DNMT1: variants seen among roughly 807,000 people sequenced by gnomAD.
DNMT1 encodes the protein DNA (cytosine-5)-methyltransferase 1.
DNMT1 carries 24 observed loss-of-function variants against 205.3 expected under a neutral mutation model. That is an observed-to-expected ratio of 0.12 (90% CI 0.08 to 0.16). DNMT1 has a LOEUF of 0.16. DNMT1 is among the 10% of genes least tolerant of loss of function. The pLI is 1.00. For missense variants in DNMT1, 1,293 were observed against 2,177.7 expected, an observed-to-expected ratio of 0.59 and a Z score of 8.09; for synonymous variants, 817 against 839.8, an observed-to-expected ratio of 0.97 and a Z score of 0.47.
At chr19:10,175,863 C>T (rs1359861918) in intron 6 of DNMT1, among the ~76,000 whole-genome samples, 1 of 152,180 alleles carries the variant, frequency 6.6e-6, no homozygotes, top group African/African-American at 2.4e-5. Flanking sequence ...AGGGACACAG[C>T]ACCATCCATA....
At chr19:10,184,638 T>C (rs2039142665) in intron 1 of DNMT1, 1 of 152,088 alleles carries the variant, frequency 6.6e-6, no homozygotes, top group South Asian at 2.1e-4. Flanking sequence ...CATAGGGCGA[T>C]CCTATCTCTT....
chr19:10,150,696 C>G (rs2038321963), intron 24 of DNMT1, among the ~76,000 whole-genome samples: 1 of 152,202 alleles, frequency 6.6e-6, no homozygotes, highest in Non-Finnish European at 1.5e-5. Flanking sequence ...AGGAACTGAC[C>G]TTCAGTGAAG....
At chr19:10,145,245 G>A (rs910066901) in intron 28 of DNMT1, among the ~76,000 whole-genome samples, 2 of 152,236 alleles carry the variant, frequency 1.3e-5, no homozygotes, top group Admixed American at 6.5e-5. Flanking sequence ...GGGCCCCAAA[G>A]GCGTCTCTGT....
At position 10,133,513 on chromosome 19, in the gene DNMT1, G is replaced by C. The variant is rs1368076013; in HGVS notation, c.*154C>G. 7.3e-6 allele frequency: 6 copies of C among 821,052 alleles called. No homozygotes were observed. The highest frequency in any genetic ancestry group is 6.9e-5 in the Admixed American group (3 of 43,566). 50.9% of individuals were successfully genotyped at this position (821,052 alleles called of 1,614,324 possible). A position where few individuals can be genotyped will look rare whatever the true frequency, so the allele number is the denominator to read the frequency against. On this transcript the variant is annotated 3_prime_UTR_variant, in exon 41 of 41. Coordinates refer to ENST00000359526, the MANE Select transcript of DNMT1 (RefSeq NM_001130823.3). The surrounding 1 kb of genome is among the most constrained non-coding windows in gnomAD (Gnocchi z 4.1). ...CAATTTGATCACTAAATCATTAGTTGATAAGCGAACCTCACACAACAGCTT... is the reference window on the plus strand; with the variant it reads ...CAATTTGATCACTAAATCATTAGTTCATAAGCGAACCTCACACAACAGCTT...
At chr19:10,174,048 G>T in intron 7 of DNMT1, 143 bp from the exon 8 acceptor site, 1 of 807,748 alleles carries the variant, frequency 1.2e-6, no homozygotes, top group Non-Finnish European at 2.1e-6. Flanking sequence ...GTTTTGGGGA[G>T]AAGATCTGAG....
chr19:10,148,272 A>G lies in DNMT1; in HGVS notation c.2720+612T>C, dbSNP rs537880612. Among the ~76,000 whole-genome samples the G allele has an allele frequency of 2.5e-4, 38 of 151,420 alleles. 2 individuals carry two copies. Among genetic ancestry groups the G allele is most frequent in the East Asian group, 2.1e-3 (11 of 5,176 alleles). On this transcript the variant is annotated intron_variant, in intron 27 of 40. Coordinates refer to ENST00000359526, the MANE Select transcript of DNMT1 (RefSeq NM_001130823.3). Reference sequence around the variant, plus strand: ...AGCACTTTGGGAGGCCAAGGCGGGCAGATCACAAGGTCAGGAGATCGAGAC... The same window carrying G: ...AGCACTTTGGGAGGCCAAGGCGGGCGGATCACAAGGTCAGGAGATCGAGAC...
At chr19:10,141,007 A>T in intron 31 of DNMT1, 98 bp from the exon 32 acceptor site, 1 of 1,613,328 alleles carries the variant, frequency 6.2e-7, no homozygotes, top group Non-Finnish European at 8.5e-7. Flanking sequence ...GCTGTCCCAG[A>T]GTCAGTAACA....
In DNMT1 at chr19:10,154,786, C is replaced by A; in HGVS notation, c.1645-13G>T. On this transcript the variant is annotated splice_polypyrimidine_tract_variant and intron_variant, in intron 20 of 40. Coordinates refer to ENST00000359526, the MANE Select transcript of DNMT1 (RefSeq NM_001130823.3). The surrounding 1 kb of genome is among the most constrained non-coding windows in gnomAD (Gnocchi z 6.3). ...GAGGAACCGTGGTCTTGAAAGAGAACAGGTTTCTCTCATGCTTAAGCCAAA... is the reference window on the plus strand; with the variant it reads ...GAGGAACCGTGGTCTTGAAAGAGAAAAGGTTTCTCTCATGCTTAAGCCAAA... 1.2e-6 allele frequency: 2 copies of A among 1,614,220 alleles called. No individual in the cohort carries two copies. The highest frequency in any genetic ancestry group is 1.7e-6 in the Non-Finnish European group (2 of 1,180,056).
Position 10,192,559 on chromosome 19 carries a change from G to T in DNMT1, c.80+2261C>A, listed in dbSNP as rs977322285. On this transcript the variant is annotated intron_variant, in intron 1 of 40. Coordinates refer to ENST00000359526, the MANE Select transcript of DNMT1 (RefSeq NM_001130823.3). ...GGAGGATCGCTTGAGGCCAGGAATCGAAGACCAGCCTGAGCAACATGGCAA... is the reference window on the plus strand; with the variant it reads ...GGAGGATCGCTTGAGGCCAGGAATCTAAGACCAGCCTGAGCAACATGGCAA... Among the ~76,000 whole-genome samples the T allele has an allele frequency of 2.6e-5, 4 of 151,648 alleles. No individual in the cohort carries two copies. The East Asian group carries it at 7.8e-4, about 29-fold the overall frequency.
rs976612002 is a variant in DNMT1, at chr19:10,138,078, AC to A, written c.4116-70del. On this transcript the variant is annotated intron_variant, in intron 35 of 40. Transcript: ENST00000359526. This position sits in a 1 kb window ranked among gnomAD's most constrained non-coding sequence, Gnocchi z 4.1. Reference sequence around the variant, plus strand: ...CAGCTGTCCCCTCATCACAGGTGCCACCCCCTGCCTGCTCAGATGGCCTTCT... The same window carrying A: ...CAGCTGTCCCCTCATCACAGGTGCCACCCCTGCCTGCTCAGATGGCCTTCT... 1.6e-5 allele frequency: 25 copies of A among 1,528,572 alleles called. No individual in the cohort carries two copies. The African/African-American group carries it at 1.8e-4, about 11-fold the overall frequency. The allele number at this position is 1,528,572 out of a possible 1,614,324, so 94.7% of individuals were successfully genotyped here. A position where few individuals can be genotyped will look rare whatever the true frequency, so the allele number is the denominator to read the frequency against.
chr19:10,145,086 C>T (rs921363846), intron 28 of DNMT1, among the ~76,000 whole-genome samples: 2 of 152,290 alleles, frequency 1.3e-5, no homozygotes, highest in Middle Eastern at 3.4e-3. Flanking sequence ...GATCTAGAAG[C>T]GACACTGGAG....
chr19:10,155,804 G>T (rs1175628283), intron 19 of DNMT1, 49 bp downstream of exon 19: 2 of 1,574,106 alleles, frequency 1.3e-6, no homozygotes, highest in Non-Finnish European at 1.7e-6. Context: ...AGGAGAACAT[G>T]AAGGCCCCTT....
chr19:10,171,516 C>A (rs1220120847), intron 9 of DNMT1, among the ~76,000 whole-genome samples: 1 of 151,962 alleles, frequency 6.6e-6, no homozygotes, highest in African/African-American at 2.4e-5. Context: ...ACTAAAAACA[C>A]AAAAATTGGC....
At chr19:10,194,599 A>G in intron 1 of DNMT1, 1 of 527,294 alleles carries the variant, frequency 1.9e-6, no homozygotes, top group Non-Finnish European at 3.3e-6. Context: ...GCCACCAGGG[A>G]GCTACGGGGG....
intron 39 of DNMT1, among the ~76,000 whole-genome samples, chr19:10,134,742 C>T (rs141230776): frequency 0.015 from 2,346 of 151,828 alleles, 69 homozygotes; most frequent in African/African-American, 0.054. Context: ...CCTGTAATCC[C>T]AGCACCTCAG....
At position 10,134,272 on chromosome 19, in the gene DNMT1, G is replaced by T. The variant is rs534928024; in HGVS notation, c.4809C>A (p.Ala1603=). 6.2e-7 allele frequency: 1 copy of T among 1,614,188 alleles called. No individual in the cohort carries two copies. The highest frequency in any genetic ancestry group is 1.7e-5 in the Admixed American group (1 of 60,030). ...TACAAAGCTTGATCTCCAAGCCAATGGCTTTGGCCAGGGGCGGTGGCACGG... is the reference window on the plus strand; with the variant it reads ...TACAAAGCTTGATCTCCAAGCCAATTGCTTTGGCCAGGGGCGGTGGCACGG... ...GNAVPPPLAK[A]IGLEIKLCML... The change falls in exon 40 of 41, where the codon GCC becomes GCA. Residue 1603 remains alanine (A), a synonymous_variant. Transcript: ENST00000359526.
At chr19:10,178,895 G>A (rs1040367264) in intron 5 of DNMT1, among the ~76,000 whole-genome samples, 2 of 152,072 alleles carry the variant, frequency 1.3e-5, no homozygotes, top group African/African-American at 4.8e-5. Flanking sequence ...GGGAGGCCGA[G>A]GCGGGCGGAT....
intron 11 of DNMT1, among the ~76,000 whole-genome samples, chr19:10,165,541 T>C (rs2038672804): frequency 6.6e-6 from 1 of 152,114 alleles, no homozygotes; most frequent in Non-Finnish European, 1.5e-5. Context: ...TAGAGGCACA[T>C]GCCACCATGC....
Position 10,156,048 on chromosome 19 carries a change from G to A in DNMT1, c.1400-103C>T, listed in dbSNP as rs2145311687. On this transcript the variant is annotated intron_variant, in intron 18 of 40. Transcript: ENST00000359526. The surrounding 1 kb of genome is among the most constrained non-coding windows in gnomAD (Gnocchi z 4.2). The stretch of plus-strand genomic sequence containing the variant: ...GCAGACATCCCATCAGCCAGGTCGG[G>A]TGCTCCTCAGTCATCACAATGACTT... 3 of 1,186,744 alleles carry A rather than the reference G, an allele frequency of 2.5e-6. No homozygotes were observed. The highest frequency in any genetic ancestry group is 3.6e-6 in the Non-Finnish European group (3 of 823,118). The allele number at this position is 1,186,744 out of a possible 1,614,324, so 73.5% of individuals were successfully genotyped here. A position where few individuals can be genotyped will look rare whatever the true frequency, so the allele number is the denominator to read the frequency against.
Sources: gnomAD v4.1 joint callset for allele counts (sites outside exome capture counted in the v4.1 genomes callset) on GRCh38, gnomAD v4.1.1 for gene constraint, Gnocchi (gnomAD v3.1) non-coding constraint, MANE v1.5 for transcripts, NCBI Gene and HGNC (gene_info 2026-07-23, HGNC 2026-07-21) for gene names.